The following ST7 variants were observed in gnomAD, a reference collection of about 807,000 sequenced individuals.
ST7 encodes the protein suppression of tumorigenicity 7.
In ST7, 28 loss-of-function variants were observed where a neutral mutation model predicts 78.7. The ratio of observed to expected loss-of-function variants is 0.36; its 90% CI spans 0.26 to 0.49. The LOEUF is 0.49. Ranked by LOEUF, ST7 falls within the 20% of genes least tolerant of loss-of-function variation. ST7 has a pLI of 0.99. For missense variants in ST7, 418 were observed against 696.0 expected, an observed-to-expected ratio of 0.60 and a Z score of 4.49; for synonymous variants, 247 against 249.6, an observed-to-expected ratio of 0.99 and a Z score of 0.10.
At chr7:117,083,253 TTTTGTTTG>T (rs1032711589) in intron 1 of ST7, among the ~76,000 whole-genome samples, 10 of 151,852 alleles carry the variant, frequency 6.6e-5, no homozygotes, top group African/African-American at 2.4e-4. Context: ...ATATATATAT[TTTTGTTTG>T]TTTGTTTGTT....
rs537764335 is a variant in ST7, at chr7:117,133,364, A to G, written c.642-760A>G. On this transcript the variant is annotated intron_variant, in intron 6 of 15. Coordinates refer to ENST00000323984, the MANE Select transcript of ST7 (RefSeq NM_001369598.1). ...ATTTGCCCATCCAGTCCAGTAATTC[A>G]TTTAGAATGGATCAATTATTTGCTA... 1.3e-5 allele frequency among the ~76,000 whole-genome samples: 2 copies of G among 151,944 alleles called. 1 individual carries two copies. Among genetic ancestry groups the G allele is most frequent in the African/African-American group, 4.8e-5 (2 of 41,510 alleles).
chr7:117,162,046 G>T (rs1176092213), intron 9 of ST7, among the ~76,000 whole-genome samples: 1 of 152,120 alleles, frequency 6.6e-6, no homozygotes, highest in Non-Finnish European at 1.5e-5. Flanking sequence ...TGATTTTGGT[G>T]ACTTGTATAT....
chr7:117,152,785 C>T (rs989357598), intron 9 of ST7, among the ~76,000 whole-genome samples: 1 of 152,106 alleles, frequency 6.6e-6, no homozygotes, highest in African/African-American at 2.4e-5. Flanking sequence ...TCATACATCA[C>T]TGATTTTAGG....
intron 1 of ST7, among the ~76,000 whole-genome samples, chr7:116,998,643 A>G (rs779051737): frequency 1.3e-5 from 2 of 152,248 alleles, no homozygotes; most frequent in African/African-American, 4.8e-5. Flanking sequence ...CCAACTATTT[A>G]TTGAGCATTT....
chr7:117,012,935 C>T lies in ST7; in HGVS notation c.151+59244C>T, dbSNP rs907737959. ...TATATCTATCTACTCATCTGTCCATCGGTCTTATACTTTCTAATTTAGATA... is the reference window on the plus strand; with the variant it reads ...TATATCTATCTACTCATCTGTCCATTGGTCTTATACTTTCTAATTTAGATA... On this transcript the variant is annotated intron_variant, in intron 1 of 15. Coordinates refer to ENST00000323984, the MANE Select transcript of ST7 (RefSeq NM_001369598.1). Among the ~76,000 whole-genome samples, 33 of 152,210 alleles carry T rather than the reference C, an allele frequency of 2.2e-4. 2 individuals carry two copies. The highest frequency in any genetic ancestry group is 3.4e-3 in the Middle Eastern group (1 of 294).
In ST7 at chr7:117,134,133, C is replaced by T; in HGVS notation, c.651C>T (p.Ser217=). The T allele has an allele frequency of 6.2e-7, 1 of 1,611,756 alleles. No individual in the cohort carries two copies. The highest frequency in any genetic ancestry group is 8.5e-7 in the Non-Finnish European group (1 of 1,178,652). The change falls in exon 7 of 16, where the codon TCC becomes TCT. Residue 217 remains serine (S), a synonymous_variant. Transcript: ENST00000323984. ...TTTTCTTCTTGGTCAGAATTAGGTC[C>T]AGAGTTGAAGTTCCCCTAATTGCTT... The part of the protein sequence containing the change: ...HEALEINEIR[S]RVEVPLIASS...
intron 1 of ST7, among the ~76,000 whole-genome samples, chr7:117,071,391 C>T (rs1798950856): frequency 6.6e-6 from 1 of 152,066 alleles, no homozygotes; most frequent in South Asian, 2.1e-4. Context: ...AACTTTAACC[C>T]AGTATTTCTC....
chr7:117,167,403 G>C (rs1453913116), intron 9 of ST7, among the ~76,000 whole-genome samples: 2 of 151,946 alleles, frequency 1.3e-5, no homozygotes, highest in Non-Finnish European at 2.9e-5. Context: ...GTAGGGAGAA[G>C]AGGGTGACAA....
intron 1 of ST7, among the ~76,000 whole-genome samples, chr7:117,034,122 G>A (rs1372405335): frequency 6.6e-6 from 1 of 151,796 alleles, no homozygotes; most frequent in Non-Finnish European, 1.5e-5. Context: ...TTTATTTTTT[G>A]TAGAGGCAGT....
intron 1 of ST7, among the ~76,000 whole-genome samples, chr7:117,056,212 A>G (rs1425073156): frequency 4.6e-5 from 7 of 152,182 alleles, no homozygotes; most frequent in African/African-American, 1.7e-4. Flanking sequence ...AATCCAACCA[A>G]GTTGACACTC....
At chr7:117,145,466 G>T (rs1157488402) in intron 9 of ST7, 1 of 152,204 alleles carries the variant, frequency 6.6e-6, no homozygotes, top group African/African-American at 2.4e-5. Context: ...GCTCTAGGGA[G>T]CAATCCTTAA....
At chr7:116,997,200 A>G (rs1487112480) in intron 1 of ST7, among the ~76,000 whole-genome samples, 1 of 152,136 alleles carries the variant, frequency 6.6e-6, no homozygotes, top group African/African-American at 2.4e-5. Flanking sequence ...TGCCGACCCA[A>G]AGAGTGAGCA....
intron 1 of ST7, among the ~76,000 whole-genome samples, chr7:116,955,875 G>A (rs1462315850): frequency 6.6e-6 from 1 of 152,182 alleles, no homozygotes; most frequent in African/African-American, 2.4e-5. Context: ...AAAATATGAA[G>A]ATGAACGTGC....
chr7:117,184,822 A>G (rs1218986926), intron 10 of ST7, among the ~76,000 whole-genome samples: 1 of 152,192 alleles, frequency 6.6e-6, no homozygotes, highest in African/African-American at 2.4e-5. Flanking sequence ...AGCAATGTCA[A>G]TTTCTTGTTT....
chr7:117,131,824 T>A, intron 5 of ST7, 61 bp from the exon 6 acceptor site: 4 of 1,427,568 alleles, frequency 2.8e-6, no homozygotes, highest in Non-Finnish European at 3.9e-6. Context: ...TCTTGTCCTC[T>A]ACTGAGTCTA....
intron 1 of ST7, among the ~76,000 whole-genome samples, chr7:117,017,815 G>T (rs184345919): frequency 1.1e-4 from 17 of 152,234 alleles, no homozygotes; most frequent in Non-Finnish European, 2.1e-4. Context: ...CAACAATGTG[G>T]ATCCAAACGT....
intron 1 of ST7, chr7:116,956,617 G>A (rs1241881266): frequency 2.1e-6 from 1 of 471,180 alleles, no homozygotes; most frequent in East Asian, 6.9e-5. Flanking sequence ...TAGGGGGATG[G>A]AATCTGCTAA....
chr7:117,020,655 G>A, intron 1 of ST7: 4 of 1,550,274 alleles, frequency 2.6e-6, no homozygotes, highest in Non-Finnish European at 3.5e-6. Flanking sequence ...CCACTTCTCT[G>A]CTATTTAGAA....
intron 1 of ST7, among the ~76,000 whole-genome samples, chr7:116,961,554 A>ATGTGTG (rs1792822968): frequency 1.1e-5 from 1 of 90,862 alleles, no homozygotes; most frequent in Non-Finnish European, 2.1e-5. Context: ...CTGTATTCCT[A>ATGTGTG]CGTGTGTGTG....
Sources: gnomAD v4.1 joint callset for allele counts (sites outside exome capture counted in the v4.1 genomes callset) on GRCh38, gnomAD v4.1.1 for gene constraint, MANE v1.5 for transcripts, NCBI Gene and HGNC (gene_info 2026-07-23, HGNC 2026-07-21) for gene names.